The following ADAR variants were observed in gnomAD, a reference collection of about 807,000 sequenced individuals.
ADAR encodes double-stranded RNA-specific adenosine deaminase.
A neutral mutation model predicts 113.2 loss-of-function variants in ADAR; 41 were observed. The ratio of observed to expected loss-of-function variants is 0.36; its 90% CI spans 0.28 to 0.47. The LOEUF (loss-of-function observed/expected upper bound fraction) is 0.47, where lower values mean the gene tolerates loss of function less well. Among genes scored for constraint, ADAR ranks in the 20% least tolerant of loss-of-function variants. The pLI is 1.00. For missense variants in ADAR, 1,242 were observed against 1,540.9 expected, an observed-to-expected ratio of 0.81 and a Z score of 3.25; for synonymous variants, 605 against 572.6, an observed-to-expected ratio of 1.06 and a Z score of -0.81.
intron 13 of ADAR, 83 bp from the exon 14 acceptor site, chr1:154,585,427 G>C (rs1295078615): frequency 6.3e-7 from 1 of 1,596,326 alleles, no homozygotes; most frequent in African/African-American, 1.3e-5. Context: ...ACTCATAGGA[G>C]AGAGGAAGTG....
At chr1:154,588,386 G>T in intron 10 of ADAR, 128 bp from the exon 11 acceptor site, 1 of 1,501,990 alleles carries the variant, frequency 6.7e-7, no homozygotes. Context: ...ACTGGAGGTG[G>T]ACAGCAGTAC....
chr1:154,605,567 A>T (rs1278445280), intron 1 of ADAR, among the ~76,000 whole-genome samples: 2 of 151,942 alleles, frequency 1.3e-5, no homozygotes, highest in Non-Finnish European at 2.9e-5. Context: ...GCTTCAGTTG[A>T]TTCCATGGTG....
intron 3 of ADAR, 126 bp downstream of exon 3, chr1:154,598,275 AG>A: frequency 9.5e-7 from 1 of 1,053,740 alleles, no homozygotes. Context: ...GATAGGGTAG[AG>A]GGAAGAGTGG....
chr1:154,600,603 A>G lies in ADAR; in HGVS notation c.1601+438T>C, dbSNP rs1210088171. The G allele has an allele frequency of 1.3e-5, 3 of 230,184 alleles. No homozygotes were observed. The East Asian group carries it at 3.2e-4, about 24-fold the overall frequency. The allele number at this position is 230,184 out of a possible 1,614,324, so 14.3% of individuals were successfully genotyped here. A position where few individuals can be genotyped will look rare whatever the true frequency, so the allele number is the denominator to read the frequency against. On this transcript the variant is annotated intron_variant, in intron 2 of 14. Coordinates refer to ENST00000368474, the MANE Select transcript of ADAR (RefSeq NM_001111.5). ...ATTCTCCTGTCTCAGCTTCCTGAGT[A>G]GCTGGGACTACAGGTGCACGCCACC...
chr1:154,620,896 TAGTG>T (rs1187647288), intron 1 of ADAR, among the ~76,000 whole-genome samples: 12 of 152,064 alleles, frequency 7.9e-5, no homozygotes, highest in Admixed American at 1.3e-4. Flanking sequence ...CTTAGGGAAA[TAGTG>T]AGGAAGAGGA....
intron 1 of ADAR, among the ~76,000 whole-genome samples, chr1:154,606,996 A>C (rs1698234227): frequency 6.6e-6 from 1 of 151,596 alleles, no homozygotes; most frequent in African/African-American, 2.4e-5. Context: ...AGATACAGTA[A>C]AATTTATCCT....
chr1:154,605,506 G>A (rs1698138841), intron 1 of ADAR, among the ~76,000 whole-genome samples: 2 of 150,594 alleles, frequency 1.3e-5, no homozygotes, highest in Admixed American at 1.3e-4. Flanking sequence ...TGTCCTATAA[G>A]TTATACTCAA....
chr1:154,608,628 C>G (rs1187404563), upstream of ADAR: 1 of 152,722 alleles, frequency 6.5e-6, no homozygotes, highest in Admixed American at 6.6e-5. Flanking sequence ...AGGCGTCAGC[C>G]CCCGCGCCCG....
intron 11 of ADAR, 107 bp downstream of exon 11, chr1:154,588,017 CT>C: frequency 6.5e-7 from 1 of 1,540,404 alleles, no homozygotes; most frequent in Non-Finnish European, 8.9e-7. Context: ...AACAGCACCT[CT>C]GTGCCCAGTG....
At chr1:154,588,080 T>G (rs774147653) in intron 11 of ADAR, 45 bp downstream of exon 11, 1 of 1,611,302 alleles carries the variant, frequency 6.2e-7, no homozygotes, top group Non-Finnish European at 8.5e-7. Context: ...CCCTGGACCT[T>G]GCAGAGCCTT....
intron 7 of ADAR, 29 bp downstream of exon 7, chr1:154,590,155 A>G: frequency 3.2e-6 from 3 of 941,990 alleles, no homozygotes; most frequent in Non-Finnish European, 4.9e-6. Context: ...CCCCGCCCCA[A>G]AAAAGGCACC....
chr1:154,625,390 A>G (rs1379307765), intron 1 of ADAR, among the ~76,000 whole-genome samples: 1 of 152,182 alleles, frequency 6.6e-6, no homozygotes, highest in Admixed American at 6.5e-5. Context: ...CTCAAACCAC[A>G]CAGCTGGCTT....
At chr1:154,609,787 AC>A (rs1442200051), upstream of ADAR, among the ~76,000 whole-genome samples, 1 of 152,190 alleles carries the variant, frequency 6.6e-6, no homozygotes, top group Non-Finnish European at 1.5e-5. Flanking sequence ...TGTGTTAAGC[AC>A]CCAGGATATG....
At chr1:154,603,309 C>T (rs1698001778) in intron 1 of ADAR, among the ~76,000 whole-genome samples, 1 of 152,190 alleles carries the variant, frequency 6.6e-6, no homozygotes, top group Non-Finnish European at 1.5e-5. Context: ...CTCTTCACTG[C>T]CATCCCAGGA....
rs560566237 is a variant in ADAR at position 154,584,512 on chromosome 1, T to G, written c.*294A>C. On this transcript the variant is annotated 3_prime_UTR_variant, in exon 15 of 15. Transcript: ENST00000368474. The stretch of plus-strand genomic sequence containing the variant: ...TCAAAACAAAACTTTTAAGAGGAAA[T>G]GGACCGCAGGTGCTCAGTGACTATG... 3.6e-5 allele frequency: 14 copies of G among 384,776 alleles called. No individual in the cohort carries two copies. The South Asian group carries it at 5.3e-4, about 15-fold the overall frequency. The allele number at this position is 384,776 out of a possible 1,614,324, so 23.8% of individuals were successfully genotyped here. A position where few individuals can be genotyped will look rare whatever the true frequency, so the allele number is the denominator to read the frequency against.
At chr1:154,623,894 C>T (rs1416997427) in intron 1 of ADAR, among the ~76,000 whole-genome samples, 1 of 151,570 alleles carries the variant, frequency 6.6e-6, no homozygotes, top group Non-Finnish European at 1.5e-5. Flanking sequence ...TCCTAGCTAC[C>T]CGGGAGGCTG....
chr1:154,610,695 A>G (rs1463862832), upstream of ADAR, among the ~76,000 whole-genome samples: 6 of 151,924 alleles, frequency 3.9e-5, no homozygotes, highest in Admixed American at 3.9e-4. Context: ...CTGTAGTCCC[A>G]GCTACTGGGG....
rs1697548551 is a variant in ADAR, at chr1:154,597,035, TCAGGAAATGTTGAGGGAGTCACTG to T, written c.2079+64_2080-41del. The T allele has an allele frequency of 2.5e-6, 4 of 1,613,990 alleles. No homozygotes were observed. In the Admixed American group the frequency reaches 6.7e-5, roughly 27 times the overall value. ...ATCAAACAGAGGAGCCATAAACACT[TCAGGAAATGTTGAGGGAGTCACTG>T]GCAATCTTAAACCACTCAGTTGCTA... On this transcript the variant is annotated intron_variant, in intron 5 of 14. Transcript: ENST00000368474.
chr1:154,627,913 G>GGCCCCCCCC, exon 1 of ADAR: 3 of 517,168 alleles, frequency 5.8e-6, no homozygotes, highest in African/African-American at 1.9e-5. Context: ...GTGCGGCCGC[G>GGCCCCCCCC]ACCCTCCCCC....
Sources: allele counts gnomAD v4.1 joint callset (sites outside exome capture counted in the v4.1 genomes callset), GRCh38; gene constraint gnomAD v4.1.1; transcripts MANE v1.5; gene names NCBI Gene and HGNC (gene_info 2026-07-23, HGNC 2026-07-21).